ADI1: variants seen among roughly 807,000 people sequenced by gnomAD.
ADI1 encodes acireductone dioxygenase.
Under a neutral mutation model 18.7 loss-of-function variants are expected in ADI1, and 21 were observed. The observed-to-expected ratio is 1.13, with a 90% confidence interval of 0.80 to 1.62. The LOEUF is 1.62. ADI1 is among the 40% of genes most tolerant of loss of function. The pLI is 0.00. For synonymous variants in ADI1, 90 were observed against 100.1 expected (o/e 0.90, Z 0.60); for missense variants, 245 against 254.9 (o/e 0.96, Z 0.26).
Position 3,498,687 on chromosome 2 carries a change from C to G in ADI1, c.*276G>C, listed in dbSNP as rs963040822. 1.4e-5 allele frequency: 5 copies of G among 349,834 alleles called. No individual in the cohort carries two copies. Among genetic ancestry groups the G allele is most frequent in the African/African-American group, 1.0e-4 (5 of 47,674 alleles). 21.7% of individuals were successfully genotyped at this position (349,834 alleles called of 1,614,324 possible). ...AGGAACTGCATTTCGGGAGATGAAA[C>G]TTTCATTTGGGACTCAACTGAATGC... On this transcript the variant is annotated 3_prime_UTR_variant, in exon 4 of 4. Transcript: ENST00000327435.
intron 2 of ADI1, among the ~76,000 whole-genome samples, chr2:3,512,282 T>G (rs1019686354): frequency 6.6e-6 from 1 of 152,232 alleles, no homozygotes; most frequent in African/African-American, 2.4e-5. Flanking sequence ...TTCAGAGACC[T>G]CTTCCTAGAG....
At chr2:3,517,481 A>T (rs1667434615) in intron 1 of ADI1, 1 of 152,222 alleles carries the variant, frequency 6.6e-6, no homozygotes, top group African/African-American at 2.4e-5. Context: ...AAGAAAGCAT[A>T]TAGGCCGGGT....
chr2:3,500,986 A>T lies in ADI1; in HGVS notation c.248T>A (p.Met83Lys). The T allele has an allele frequency of 5.0e-6, 8 of 1,603,704 alleles. No homozygotes were observed. The highest frequency in any genetic ancestry group is 6.8e-6 in the Non-Finnish European group (8 of 1,174,086). Reference sequence around the variant, plus strand: ...CAAGTGCAAATGCTCCTCGTAGAACATCTTAATCTAGTGCAGAAGGAACAT... The same window carrying T: ...CAAGTGCAAATGCTCCTCGTAGAACTTCTTAATCTAGTGCAGAAGGAACAT... ...KLPNYEEKIK[M>K]FYEEHLHLDD... Residue 83 changes from methionine to lysine, a missense_variant, in exon 3 of 4, where the codon ATG becomes AAG. Met to Lys is a moderately conservative substitution (Grantham distance 95, BLOSUM62 -1). Transcript: ENST00000327435.
Position 3,498,836 on chromosome 2 carries a change from C to G in ADI1, c.*127G>C. 1 of 1,415,566 alleles carries G rather than the reference C, an allele frequency of 7.1e-7. No homozygotes were observed. Among genetic ancestry groups the G allele is most frequent in the Non-Finnish European group, 9.5e-7 (1 of 1,051,360 alleles). 87.7% of individuals were successfully genotyped at this position (1,415,566 alleles called of 1,614,324 possible). A position where few individuals can be genotyped will look rare whatever the true frequency, so the allele number is the denominator to read the frequency against. The stretch of plus-strand genomic sequence containing the variant: ...TTACAAAATATTCTGATCAAATAAT[C>G]TTACAAAGGAAAGATAATCTAGCCT... On this transcript the variant is annotated 3_prime_UTR_variant, in exon 4 of 4. Coordinates refer to ENST00000327435, the MANE Select transcript of ADI1 (RefSeq NM_018269.4).
chr2:3,510,448 T>C (rs1667275565), intron 2 of ADI1, among the ~76,000 whole-genome samples: 1 of 151,950 alleles, frequency 6.6e-6, no homozygotes, highest in South Asian at 2.1e-4. Context: ...AAATTATAAA[T>C]GTCAGAGCAG....
At chr2:3,517,019 GCC>G (rs1211209852) in intron 1 of ADI1, 1 of 846,608 alleles carries the variant, frequency 1.2e-6, no homozygotes, top group East Asian at 1.2e-4. Context: ...ACCATGCCTG[GCC>G]CAGGAGAGGT....
In ADI1 at chr2:3,498,999, G is replaced by A. The variant is rs144167517; in HGVS notation, c.504C>T (p.Arg168=). 13 of 1,613,794 alleles carry A rather than the reference G, an allele frequency of 8.1e-6. No homozygotes were observed. The highest frequency in any genetic ancestry group is 6.7e-5 in the Admixed American group (4 of 59,996). The change falls in exon 4 of 4, where the codon CGC becomes CGT. Residue 168 remains arginine (R), a synonymous_variant. Transcript: ENST00000327435. The part of the protein sequence containing the change: ...YNRPADHFEA[R]GQYVKFLAQT... ...GTGCCAGAAATTTCACGTACTGCCC[G>A]CGGGCTTCAAAATGGTCAGCGGGCC...
In ADI1 at chr2:3,519,103, C is replaced by T. The variant is rs558231888; in HGVS notation, c.120+265G>A. 3.0e-3 allele frequency among the ~76,000 whole-genome samples: 459 copies of T among 151,900 alleles called. 1 individual carries two copies. The highest frequency in any genetic ancestry group is 0.011 in the African/African-American group (439 of 41,428). On this transcript the variant is annotated intron_variant, in intron 1 of 3. Transcript: ENST00000327435. ...CACACCACAGGCGCTGGGGGCTGAC[C>T]GCCGACCCCTCAACGCCGCTGCTGA...
chr2:3,502,042 C>CACACACATA (rs370568046), intron 2 of ADI1, among the ~76,000 whole-genome samples: 1 of 45,324 alleles, frequency 2.2e-5, no homozygotes, highest in African/African-American at 3.6e-4. Flanking sequence ...CACACACACA[C>CACACACATA]AGAGACAGGG....
At position 3,513,840 on chromosome 2, in the gene ADI1, A is replaced by G. The variant is rs751633661; in HGVS notation, c.240+17T>C. ...TATAATGATACTTCTTTTCCAGGTAATCCAGGGCTCCCTTACCTTTTCTTC... is the reference window on the plus strand; with the variant it reads ...TATAATGATACTTCTTTTCCAGGTAGTCCAGGGCTCCCTTACCTTTTCTTC... On this transcript the variant is annotated intron_variant, in intron 2 of 3. Coordinates refer to ENST00000327435, the MANE Select transcript of ADI1 (RefSeq NM_018269.4). The G allele has an allele frequency of 3.8e-6, 6 of 1,584,254 alleles. No individual in the cohort carries two copies. Among genetic ancestry groups the G allele is most frequent in the Non-Finnish European group, 3.4e-6 (4 of 1,171,960 alleles).
Position 3,503,651 on chromosome 2 carries a change from G to A in ADI1, c.241-2658C>T, listed in dbSNP as rs1041002529. 7.9e-5 allele frequency among the ~76,000 whole-genome samples: 12 copies of A among 152,316 alleles called. No homozygotes were observed. The South Asian group carries it at 1.4e-3, about 18-fold the overall frequency. On this transcript the variant is annotated intron_variant, in intron 2 of 3. Coordinates refer to ENST00000327435, the MANE Select transcript of ADI1 (RefSeq NM_018269.4). ...TCCCATCCGAGTTTCTAAGTGCCAGGGCTAAGTGCCAGGAAGAGCAGCTGA... is the reference window on the plus strand; with the variant it reads ...TCCCATCCGAGTTTCTAAGTGCCAGAGCTAAGTGCCAGGAAGAGCAGCTGA...
chr2:3,519,301 C>T (rs544600315), intron 1 of ADI1, 67 bp downstream of exon 1: 3 of 1,336,470 alleles, frequency 2.2e-6, no homozygotes, highest in South Asian at 1.9e-5. Context: ...CTGGAGGAGG[C>T]TGGGCTGTGC....
At chr2:3,507,273 C>A (rs12052249) in intron 2 of ADI1, among the ~76,000 whole-genome samples, 42,789 of 151,994 alleles carry the variant, frequency 0.28, 8,397 homozygotes, top group African/African-American at 0.56. Context: ...ATTTGAAATA[C>A]TGTCCACAAA....
intron 2 of ADI1, among the ~76,000 whole-genome samples, chr2:3,503,289 A>C (rs1363221810): frequency 2.2e-5 from 3 of 136,494 alleles, no homozygotes; most frequent in Middle Eastern, 3.7e-3. Flanking sequence ...GCATTCACAC[A>C]CATGCACACA....
rs559466309 is a variant in ADI1, at chr2:3,503,384, TACTC to T, written c.241-2395_241-2392del. ...TCACACACATGCACACATACACACG[TACTC>T]ACACGCACATTCACACACATGCACA... is the stretch of plus-strand genomic sequence containing the variant. On this transcript the variant is annotated intron_variant, in intron 2 of 3. Transcript: ENST00000327435. Among the ~76,000 whole-genome samples the T allele has an allele frequency of 2.1e-3, 268 of 129,760 alleles. 104 individuals carry two copies. The highest frequency in any genetic ancestry group is 9.0e-3 in the Middle Eastern group (2 of 222). The allele number at this position is 129,760 out of a possible 152,430, so 85.1% of individuals were successfully genotyped here. A position where few individuals can be genotyped will look rare whatever the true frequency, so the allele number is the denominator to read the frequency against.
At chr2:3,500,469 G>C (rs77971778) in intron 3 of ADI1, 609 of 187,552 alleles carry the variant, frequency 3.2e-3, no homozygotes, top group African/African-American at 9.2e-3. Context: ...GACAACCCTA[G>C]AGATGCCTCA....
At chr2:3,506,269 G>A (rs183798181) in intron 2 of ADI1, among the ~76,000 whole-genome samples, 162 of 152,320 alleles carry the variant, frequency 1.1e-3, no homozygotes, top group Admixed American at 2.7e-3. Flanking sequence ...CCCTTTGCTC[G>A]CAGATGGTAT....
intron 3 of ADI1, 113 bp from the exon 4 acceptor site, chr2:3,499,195 A>G (rs994081002): frequency 7.0e-7 from 1 of 1,418,762 alleles, no homozygotes; most frequent in African/African-American, 1.5e-5. Flanking sequence ...TTTACTTGCT[A>G]TTTTTATTCT....
intron 1 of ADI1, among the ~76,000 whole-genome samples, chr2:3,518,340 T>C (rs1222924531): frequency 6.6e-6 from 1 of 152,252 alleles, no homozygotes; most frequent in Non-Finnish European, 1.5e-5. Context: ...TAACCCTGTG[T>C]ATTTCATTTA....
Sources: gnomAD v4.1 joint callset for allele counts (sites outside exome capture counted in the v4.1 genomes callset) on GRCh38, gnomAD v4.1.1 for gene constraint, MANE v1.5 for transcripts, NCBI Gene and HGNC (gene_info 2026-07-23, HGNC 2026-07-21) for gene names.